Variants in MACF1 observed in about 807,000 individuals in gnomAD.
MACF1 encodes microtubule-actin cross-linking factor 1.
In MACF1, 193 loss-of-function variants were observed where a neutral mutation model predicts 854.8. That is an observed-to-expected ratio of 0.23 (90% CI 0.20 to 0.25). MACF1 has a LOEUF of 0.25. Among genes scored for constraint, MACF1 ranks in the 10% least tolerant of loss-of-function variants. The probability of loss-of-function intolerance (pLI) is 1.00; values close to 1 mark genes in which losing one functional copy is unlikely to be tolerated. For synonymous variants in MACF1, 3,185 were observed against 3,226.7 expected (o/e 0.99, Z 0.44); for missense variants, 7,722 against 8,929.1 (o/e 0.86, Z 5.45).
At chr1:39,122,807 T>C (rs1190244987) in intron 2 of MACF1, among the ~76,000 whole-genome samples, 8 of 151,924 alleles carry the variant, frequency 5.3e-5, no homozygotes, top group African/African-American at 1.9e-4. Context: ...CTCGCCAGAG[T>C]CACAATGTTG....
Position 39,335,325 on chromosome 1 carries a change from GC to G in MACF1, c.8738del (p.Ala2913GlufsTer2), listed in dbSNP as rs1472247464. 31 of 1,613,836 alleles carry G rather than the reference GC, an allele frequency of 1.9e-5. No individual in the cohort carries two copies. The highest frequency in any genetic ancestry group is 2.6e-5 in the Non-Finnish European group (31 of 1,179,948). On this transcript the variant is annotated frameshift_variant, in exon 37 of 101. Transcript: ENST00000564288. LOFTEE classifies it high-confidence loss of function. ...GNDTNEEQEK[A>X]VTKIEIISHM... The stretch of plus-strand genomic sequence containing the variant: ...TGATACAAATGAAGAGCAGGAAAAA[GC>G]AGTGACAAAAATAGAAATTATTTCT...
intron 80 of MACF1, among the ~76,000 whole-genome samples, chr1:39,446,231 G>T (rs1407098315): frequency 6.6e-6 from 1 of 151,812 alleles, no homozygotes; most frequent in African/African-American, 2.4e-5. Context: ...TGGTGCTGTA[G>T]TAAGAAAATA....
In MACF1 at chr1:39,332,115, G is replaced by A. The variant is rs751416452; in HGVS notation, c.5527G>A (p.Glu1843Lys). 3 of 1,613,974 alleles carry A rather than the reference G, an allele frequency of 1.9e-6. No homozygotes were observed. The highest frequency in any genetic ancestry group is 3.3e-5 in the Admixed American group (2 of 59,996). Reference protein sequence around the residue: ...VAAKIALVILESLWSFMGLLW... With the variant: ...VAAKIALVILKSLWSFMGLLW... The stretch of plus-strand genomic sequence containing the variant: ...TGCTAAGATCGCCCTTGTGATTCTG[G>A]AGTCCCTCTGGTCATTCATGGGGTT... Residue 1843 changes from glutamate to lysine, a missense_variant, in exon 37 of 101, where the codon GAG (glutamate) becomes AAG (lysine). Glu to Lys is a moderately conservative substitution (Grantham distance 56, BLOSUM62 1). This residue lies in a region of MACF1 where 1,531 missense variants were observed against 1,601.6 expected (regional missense o/e 0.96). Transcript: ENST00000564288.
intron 2 of MACF1, among the ~76,000 whole-genome samples, chr1:39,140,781 G>A (rs1643323014): frequency 6.6e-6 from 1 of 151,870 alleles, no homozygotes; most frequent in African/African-American, 2.4e-5. Flanking sequence ...AGGGCTTGGT[G>A]GCACACGTCT....
At chr1:39,484,491 T>C in intron 99 of MACF1, 110 bp from the exon 100 acceptor site, 1 of 934,674 alleles carries the variant, frequency 1.1e-6, no homozygotes, top group Non-Finnish European at 1.6e-6. Context: ...GACTTTTAAT[T>C]TGCTTTTCAA....
At chr1:39,376,117 G>A (rs1035266020) in intron 52 of MACF1, among the ~76,000 whole-genome samples, 2 of 152,170 alleles carry the variant, frequency 1.3e-5, no homozygotes, top group African/African-American at 2.4e-5. Flanking sequence ...TAGATGCTTA[G>A]ATGTGTCAGG....
At chr1:39,458,887 CA>C (rs1644495114) in intron 90 of MACF1, 198 bp from the exon 91 acceptor site, 1 of 556,048 alleles carries the variant, frequency 1.8e-6, no homozygotes, top group Admixed American at 3.6e-5. Flanking sequence ...GATATGTAGG[CA>C]GCAGGTAAGT....
At chr1:39,248,470 A>C (rs944320994) in intron 2 of MACF1, among the ~76,000 whole-genome samples, 10 of 151,862 alleles carry the variant, frequency 6.6e-5, no homozygotes, top group African/African-American at 2.2e-4. Flanking sequence ...CTCCCAAAGC[A>C]CTGGTATTAC....
chr1:39,412,271 T>G, intron 58 of MACF1: 1 of 1,613,936 alleles, frequency 6.2e-7, no homozygotes, highest in Non-Finnish European at 8.5e-7. Flanking sequence ...GGACCTGAAG[T>G]AGAGGTGTTA....
intron 49 of MACF1, among the ~76,000 whole-genome samples, chr1:39,366,549 C>T (rs1271274404): frequency 1.3e-5 from 2 of 152,120 alleles, no homozygotes; most frequent in Non-Finnish European, 2.9e-5. Context: ...TAGTTGATTA[C>T]TAAGATTGAG....
chr1:39,193,682 AAG>A (rs1389055725), intron 2 of MACF1, among the ~76,000 whole-genome samples: 9 of 152,164 alleles, frequency 5.9e-5, no homozygotes, highest in Non-Finnish European at 4.4e-5. Context: ...CTATGGATTA[AAG>A]AGATTAAGTA....
intron 97 of MACF1, among the ~76,000 whole-genome samples, chr1:39,476,655 G>A (rs1644889971): frequency 6.6e-6 from 1 of 152,050 alleles, no homozygotes; most frequent in African/African-American, 2.4e-5. Flanking sequence ...CACAGCATTG[G>A]CTACAATGTT....
chr1:39,224,667 A>G (rs1332881653), intron 1 of MACF1, among the ~76,000 whole-genome samples: 1 of 152,166 alleles, frequency 6.6e-6, no homozygotes, highest in African/African-American at 2.4e-5. Flanking sequence ...CAGGAGAGAG[A>G]GAGAGCAGTT....
intron 58 of MACF1, among the ~76,000 whole-genome samples, chr1:39,408,582 T>C (rs946786174): frequency 2.0e-5 from 3 of 152,048 alleles, no homozygotes; most frequent in African/African-American, 4.8e-5. Flanking sequence ...GCGGGCGCCC[T>C]TTCTGGATTC....
chr1:39,232,437 C>T (rs79165676), intron 2 of MACF1, among the ~76,000 whole-genome samples: 2,493 of 152,196 alleles, frequency 0.016, 76 homozygotes, highest in African/African-American at 0.057. Flanking sequence ...ATTGCTTTTT[C>T]CTGAATTACC....
rs775526906 is a variant in MACF1, at chr1:39,333,930, G to A, written c.7342G>A (p.Gly2448Ser). ...TATAAATCTGGAGAAAGCTTCCAAA[G>A]GTAGAGATGCTGAAAAAACAGTTAG... ...ELINLEKASK[G>S]RDAEKTVRER... Residue 2448 changes from glycine to serine, a missense_variant, in exon 37 of 101, where the codon GGT becomes AGT. Transcript: ENST00000564288. 4.3e-6 allele frequency: 7 copies of A among 1,614,134 alleles called. No individual in the cohort carries two copies. In the South Asian group the frequency reaches 7.7e-5, roughly 18 times the overall value.
At chr1:39,132,546 G>A (rs1320189123) in intron 2 of MACF1, among the ~76,000 whole-genome samples, 3 of 152,146 alleles carry the variant, frequency 2.0e-5, no homozygotes, top group Admixed American at 6.5e-5. Flanking sequence ...AAGCCTAAGA[G>A]GAACTGCACA....
chr1:39,293,443 C>T lies in MACF1; in HGVS notation c.1993-15C>T, dbSNP rs768078762. The T allele has an allele frequency of 3.1e-6, 5 of 1,603,016 alleles. No homozygotes were observed. In the South Asian group the frequency reaches 4.5e-5, roughly 14 times the overall value. ...AAGGCTGCCAGTCTAATCTTATAAT[C>T]CTTGCTTTGTCTAGGAAACTTCTAG... is the stretch of plus-strand genomic sequence containing the variant. On this transcript the variant is annotated splice_polypyrimidine_tract_variant and intron_variant, in intron 17 of 100. Coordinates refer to ENST00000564288, the MANE Select transcript of MACF1 (RefSeq NM_001394062.1).
chr1:39,178,635 C>T (rs1354756671), intron 2 of MACF1, among the ~76,000 whole-genome samples: 3 of 152,224 alleles, frequency 2.0e-5, no homozygotes, highest in South Asian at 2.1e-4. Flanking sequence ...ACTGAATTCC[C>T]GTGTGGAGGC....
Sources: gnomAD v4.1 joint callset for allele counts (sites outside exome capture counted in the v4.1 genomes callset) on GRCh38, gnomAD v4.1.1 for gene constraint, gnomAD v4.1.1 regional missense constraint, MANE v1.5 for transcripts, NCBI Gene and HGNC (gene_info 2026-07-23, HGNC 2026-07-21) for gene names.